The following CLIP2 variants were observed in gnomAD, a reference collection of about 807,000 sequenced individuals.
CLIP2 encodes CAP-Gly domain-containing linker protein 2.
In CLIP2, 41 loss-of-function variants were observed where a neutral mutation model predicts 111.7. The observed-to-expected ratio is 0.37, with a 90% CI of 0.29 to 0.48. CLIP2 has a LOEUF of 0.48. Ranked by LOEUF, CLIP2 falls within the 20% of genes least tolerant of loss-of-function variation. The pLI is 0.99. For synonymous variants in CLIP2, 660 were observed against 644.2 expected (o/e 1.02, Z -0.37); for missense variants, 1,160 against 1,422.1 (o/e 0.82, Z 2.96).
rs368995736 is a variant in CLIP2, at chr7:74,376,091, C to T, written c.1690C>T (p.Arg564Trp). 5.0e-6 allele frequency: 8 copies of T among 1,611,774 alleles called. No homozygotes were observed. In the African/African-American group the frequency reaches 6.7e-5, roughly 13 times the overall value. Residue 564 changes from arginine to tryptophan, a missense_variant, in exon 10 of 17, where the codon CGG becomes TGG. By Grantham distance (101) the Arg-to-Trp change is moderately radical. This residue lies in a region of CLIP2 where 676 missense variants were observed against 777.8 expected (regional missense o/e 0.87). Coordinates refer to ENST00000223398, the MANE Select transcript of CLIP2 (RefSeq NM_003388.5). This position sits in a 1 kb window ranked among gnomAD's most constrained non-coding sequence, Gnocchi z 7.1. ...ACACCAGAGGGAGAGTGGGGTGCTG[C>T]GGGATAAATACGAGAAGGCCCTGAA... ...KEHQRESGVL[R>W]DKYEKALKAY... is the part of the protein sequence containing the mutation.
chr7:74,382,240 C>T (rs528342172), intron 11 of CLIP2, among the ~76,000 whole-genome samples: 205 of 140,700 alleles, frequency 1.5e-3, no homozygotes, highest in African/African-American at 5.1e-3. Context: ...TGCACCACCA[C>T]GCCTGGCTAA....
chr7:74,403,367 A>C (rs1244110448), intron 16 of CLIP2, among the ~76,000 whole-genome samples: 1 of 151,922 alleles, frequency 6.6e-6, no homozygotes, highest in Admixed American at 6.6e-5. Flanking sequence ...TCAGGAGATC[A>C]AGACCATCCT....
At chr7:74,354,488 G>A (rs568837543) in intron 4 of CLIP2, among the ~76,000 whole-genome samples, 22 of 152,244 alleles carry the variant, frequency 1.4e-4, no homozygotes, top group South Asian at 1.2e-3. Flanking sequence ...GGTGACACAC[G>A]CCTGTAATCC....
At position 74,372,961 on chromosome 7, in the gene CLIP2, T is replaced by G. The variant is rs1790675996; in HGVS notation, c.1410T>G (p.Ile470Met). 1 of 1,433,244 alleles carries G rather than the reference T, an allele frequency of 7.0e-7. No individual in the cohort carries two copies. Among genetic ancestry groups the G allele is most frequent in the South Asian group, 1.2e-5 (1 of 85,748 alleles). The allele number at this position is 1,433,244 out of a possible 1,614,324, so 88.8% of individuals were successfully genotyped here. A position where few individuals can be genotyped will look rare whatever the true frequency, so the allele number is the denominator to read the frequency against. Residue 470 changes from isoleucine to methionine, a missense_variant, in exon 9 of 17, where the codon ATT (isoleucine) becomes ATG (methionine). By Grantham distance (10) the Ile-to-Met change is conservative. Around this residue, in one of 5 missense-constraint regions of CLIP2, gnomAD observed 676 missense variants for 777.8 expected, o/e 0.87. Transcript: ENST00000223398. ...ETQTQLEHAR[I>M]GELEQSLLLE... ...AGACGCAGCTGGAGCACGCGCGCAT[T>G]GGGGAGCTGGAACAGAGCCTGCTAC...
At chr7:74,361,731 G>A (rs1167565441) in intron 7 of CLIP2, among the ~76,000 whole-genome samples, 1 of 152,142 alleles carries the variant, frequency 6.6e-6, no homozygotes, top group East Asian at 1.9e-4. Flanking sequence ...CTGAAGTTAA[G>A]AGAAACAGCA....
At chr7:74,379,620 C>T (rs554932805) in intron 10 of CLIP2, among the ~76,000 whole-genome samples, 13 of 152,052 alleles carry the variant, frequency 8.5e-5, no homozygotes, top group South Asian at 6.2e-4. Flanking sequence ...AAAAATTAGC[C>T]GGGCATGGTG....
chr7:74,387,142 G>A (rs1231205256), intron 12 of CLIP2, among the ~76,000 whole-genome samples: 2 of 151,794 alleles, frequency 1.3e-5, no homozygotes, highest in Non-Finnish European at 2.9e-5. Context: ...GCCAGCTTCT[G>A]TCCCCAGAGC....
In CLIP2 at chr7:74,317,504, G is replaced by A. The variant is rs782459971; in HGVS notation, c.-43G>A. On this transcript the variant is annotated 5_prime_UTR_variant, in exon 2 of 17. It adds an upstream start codon to the 5' untranslated region. Coordinates refer to ENST00000223398, the MANE Select transcript of CLIP2 (RefSeq NM_003388.5). The stretch of plus-strand genomic sequence containing the variant: ...GGTGAGTGAAGATGGCAGAGAGGAC[G>A]TGACCAGCACTCACCCTTGTCCACC... The A allele has an allele frequency of 1.8e-5, 25 of 1,353,944 alleles. No individual in the cohort carries two copies. The highest frequency in any genetic ancestry group is 6.4e-5 in the South Asian group (3 of 46,866). 83.9% of individuals were successfully genotyped at this position (1,353,944 alleles called of 1,614,324 possible). A position where few individuals can be genotyped will look rare whatever the true frequency, so the allele number is the denominator to read the frequency against.
chr7:74,364,063 G>C (rs1554310309), intron 7 of CLIP2, among the ~76,000 whole-genome samples, 192 bp from the exon 8 acceptor site: 1 of 152,204 alleles, frequency 6.6e-6, no homozygotes, highest in Non-Finnish European at 1.5e-5. Flanking sequence ...GGAGTTATTG[G>C]TGGTTCTTCC....
chr7:74,326,629 G>A (rs1029590408), intron 2 of CLIP2, among the ~76,000 whole-genome samples: 7 of 151,356 alleles, frequency 4.6e-5, no homozygotes, highest in Non-Finnish European at 8.8e-5. Context: ...ACAGGGCTGG[G>A]CCCAGAGCAT....
chr7:74,301,244 T>G (rs1244833613), intron 1 of CLIP2, among the ~76,000 whole-genome samples: 3 of 152,216 alleles, frequency 2.0e-5, no homozygotes, highest in Non-Finnish European at 4.4e-5. Flanking sequence ...TGTGCACTCT[T>G]TTTATGTCCG....
intron 1 of CLIP2, among the ~76,000 whole-genome samples, chr7:74,294,674 A>G (rs1424926853): frequency 6.6e-6 from 1 of 152,106 alleles, no homozygotes; most frequent in Non-Finnish European, 1.5e-5. Context: ...ATGCTGCCCT[A>G]GCTCCTTTTG....
intron 3 of CLIP2, among the ~76,000 whole-genome samples, chr7:74,349,054 A>C (rs1554306968): frequency 6.6e-6 from 1 of 152,112 alleles, no homozygotes; most frequent in Non-Finnish European, 1.5e-5. Context: ...CAAAAAGTGG[A>C]AGCAACCCAA....
intron 5 of CLIP2, among the ~76,000 whole-genome samples, chr7:74,357,033 T>C (rs1205449690): frequency 6.6e-6 from 1 of 152,106 alleles, no homozygotes; most frequent in Non-Finnish European, 1.5e-5. Flanking sequence ...AGTCAGAGGC[T>C]CTGGCTATCA....
chr7:74,374,177 A>G lies in CLIP2; in HGVS notation c.1485+1141A>G, dbSNP rs189806961. Among the ~76,000 whole-genome samples, 13 of 152,348 alleles carry G rather than the reference A, an allele frequency of 8.5e-5. No homozygotes were observed. In the East Asian group the frequency reaches 2.5e-3, roughly 29 times the overall value. On this transcript the variant is annotated intron_variant, in intron 9 of 16. Coordinates refer to ENST00000223398, the MANE Select transcript of CLIP2 (RefSeq NM_003388.5). The stretch of plus-strand genomic sequence containing the variant: ...CACCCCATAAACAGTATGTAGATGT[A>G]GAAGGAGCAGTGGTCAGTTTCTGCA...
intron 1 of CLIP2, among the ~76,000 whole-genome samples, chr7:74,314,320 A>G (rs1584317683): frequency 6.6e-6 from 1 of 152,066 alleles, no homozygotes; most frequent in Non-Finnish European, 1.5e-5. Flanking sequence ...GTGAAACCCC[A>G]CATCTACAAA....
intron 5 of CLIP2, among the ~76,000 whole-genome samples, chr7:74,357,006 A>G (rs1790166332): frequency 1.3e-5 from 2 of 152,040 alleles, no homozygotes; most frequent in Non-Finnish European, 2.9e-5. Context: ...CCCAGGAAAA[A>G]GTGGCCAAAG....
intron 11 of CLIP2, among the ~76,000 whole-genome samples, chr7:74,384,759 C>A (rs968002456): frequency 6.6e-6 from 1 of 150,986 alleles, no homozygotes; most frequent in South Asian, 2.2e-4. Flanking sequence ...TATGGTAATT[C>A]TGTTTAAATT....
rs1276751225 is a variant in CLIP2 at position 74,349,486 on chromosome 7, A to G, written c.679-4394A>G. The stretch of plus-strand genomic sequence containing the variant: ...TGTGTGTGTGTATATATATATATAT[A>G]TATATATATATATATATATATATAT... On this transcript the variant is annotated intron_variant, in intron 3 of 16. Coordinates refer to ENST00000223398, the MANE Select transcript of CLIP2 (RefSeq NM_003388.5). Among the ~76,000 whole-genome samples, 119 of 119,492 alleles carry G rather than the reference A, an allele frequency of 1.0e-3. 2 individuals are homozygous for G. The highest frequency in any genetic ancestry group is 1.7e-3 in the Non-Finnish European group (102 of 58,830). The allele number at this position is 119,492 out of a possible 152,430, so 78.4% of individuals were successfully genotyped here.
Sources: gnomAD v4.1 joint callset for allele counts (sites outside exome capture counted in the v4.1 genomes callset) on GRCh38, gnomAD v4.1.1 for gene constraint, gnomAD v4.1.1 regional missense constraint, Gnocchi (gnomAD v3.1) non-coding constraint, MANE v1.5 for transcripts, NCBI Gene and HGNC (gene_info 2026-07-23, HGNC 2026-07-21) for gene names.